NPAS3: variants seen among roughly 807,000 people sequenced by gnomAD.
The protein encoded by NPAS3 is neuronal PAS domain protein 3, also known as neuronal PAS domain-containing protein 3.
A neutral mutation model predicts 73.1 loss-of-function variants in NPAS3; 14 were observed. That is an observed-to-expected ratio of 0.19 (90% CI 0.13 to 0.30). The LOEUF (loss-of-function observed/expected upper bound fraction) is 0.30. NPAS3 is among the 10% of genes least tolerant of loss of function. The pLI is 1.00. For missense variants in NPAS3, 1,096 were observed against 1,250.0 expected, an observed-to-expected ratio of 0.88 and a Z score of 1.86; for synonymous variants, 620 against 541.5, an observed-to-expected ratio of 1.14 and a Z score of -2.01.
chr14:33,391,413 G>A (rs1361584575), intron 4 of NPAS3, among the ~76,000 whole-genome samples: 1 of 151,920 alleles, frequency 6.6e-6, no homozygotes, highest in African/African-American at 2.4e-5. Flanking sequence ...GGCTGGTCTT[G>A]AACTCCCTAC....
chr14:33,060,292 G>T (rs1021694338), intron 2 of NPAS3, among the ~76,000 whole-genome samples: 1 of 152,180 alleles, frequency 6.6e-6, no homozygotes, highest in Non-Finnish European at 1.5e-5. Context: ...TTGAGGAAGA[G>T]TGGGGTGTCT....
intron 3 of NPAS3, among the ~76,000 whole-genome samples, chr14:33,258,580 C>T (rs1368472797): frequency 1.3e-5 from 2 of 152,130 alleles, no homozygotes; most frequent in Non-Finnish European, 2.9e-5. Context: ...TTTAGTGATT[C>T]ATTAGAATTG....
chr14:33,375,349 A>G (rs922016833), intron 4 of NPAS3, among the ~76,000 whole-genome samples: 1 of 152,214 alleles, frequency 6.6e-6, no homozygotes, highest in African/African-American at 2.4e-5. Context: ...CTGGAGTGCT[A>G]CATTGTTCAG....
intron 1 of NPAS3, among the ~76,000 whole-genome samples, chr14:33,049,430 A>G (rs1483391545): frequency 1.3e-5 from 2 of 152,222 alleles, no homozygotes; most frequent in Non-Finnish European, 2.9e-5. Context: ...ACAGTTCCAC[A>G]TGGCTGGGGA....
intron 7 of NPAS3, among the ~76,000 whole-genome samples, chr14:33,754,185 A>G (rs1331803534): frequency 6.6e-6 from 1 of 152,176 alleles, no homozygotes; most frequent in African/African-American, 2.4e-5. Context: ...GTACTTCAGT[A>G]AAGCATTGCT....
chr14:33,195,752 A>G (rs1205719926), intron 2 of NPAS3, among the ~76,000 whole-genome samples: 1 of 152,222 alleles, frequency 6.6e-6, no homozygotes, highest in African/African-American at 2.4e-5. Flanking sequence ...GTTATTAAAC[A>G]GTGATTTTGG....
intron 1 of NPAS3, among the ~76,000 whole-genome samples, chr14:32,999,317 C>T (rs1256207845): frequency 6.6e-6 from 1 of 152,082 alleles, no homozygotes; most frequent in Admixed American, 6.6e-5. Context: ...TGAGACCATC[C>T]TGGCTAACAC....
rs1334335362 is a variant in NPAS3, at chr14:33,716,054, C to T, written c.734-19160C>T. On this transcript the variant is annotated intron_variant, in intron 6 of 11. Coordinates refer to ENST00000356141, the Ensembl canonical transcript of NPAS3. ...ACCCAGTCTTGGGTGTGTCCTTACA[C>T]AGCAGTGTGAGAACAGACTAATACA... is the stretch of plus-strand genomic sequence containing the variant. Among the ~76,000 whole-genome samples, 7 of 152,286 alleles carry T rather than the reference C, an allele frequency of 4.6e-5. No homozygotes were observed. The East Asian group carries it at 1.4e-3, about 29-fold the overall frequency.
chr14:32,982,431 CA>C (rs1223105996), intron 1 of NPAS3, among the ~76,000 whole-genome samples: 1 of 152,022 alleles, frequency 6.6e-6, no homozygotes, highest in Non-Finnish European at 1.5e-5. Context: ...AGTATCTTAC[CA>C]AACACAGTGG....
chr14:32,955,156 T>G lies in NPAS3; in HGVS notation c.50+15790T>G, dbSNP rs530247993. Among the ~76,000 whole-genome samples the G allele has an allele frequency of 3.2e-4, 48 of 152,274 alleles. No homozygotes were observed. The South Asian group carries it at 3.3e-3, about 11-fold the overall frequency. Reference sequence around the variant, plus strand: ...GTCAACTCAGATTCAATTTTAAAATTAAGCATTCACCTGCAATCAATGTCC... The same window carrying G: ...GTCAACTCAGATTCAATTTTAAAATGAAGCATTCACCTGCAATCAATGTCC... On this transcript the variant is annotated intron_variant, in intron 1 of 11. Transcript: ENST00000356141.
chr14:32,982,424 A>G (rs1490462580), intron 1 of NPAS3, among the ~76,000 whole-genome samples: 1 of 152,184 alleles, frequency 6.6e-6, no homozygotes, highest in Non-Finnish European at 1.5e-5. Context: ...TTACAATAGT[A>G]TCTTACCAAA....
At chr14:33,238,617 C>A (rs8004782) in intron 3 of NPAS3, among the ~76,000 whole-genome samples, 3 of 151,870 alleles carry the variant, frequency 2.0e-5, no homozygotes, top group African/African-American at 7.3e-5. Flanking sequence ...ATTAAAATGG[C>A]AAAAGACGAT....
chr14:33,240,774 T>C lies in NPAS3; in HGVS notation c.385+25348T>C, dbSNP rs1461773828. Reference sequence around the variant, plus strand: ...TTAAAATGTAGTTTTTAAGCACCTCTTAGGGACTTAATATTTCTACTCTGT... The same window carrying C: ...TTAAAATGTAGTTTTTAAGCACCTCCTAGGGACTTAATATTTCTACTCTGT... On this transcript the variant is annotated intron_variant, in intron 3 of 11. Transcript: ENST00000356141. 3.3e-5 allele frequency among the ~76,000 whole-genome samples: 5 copies of C among 152,056 alleles called. No individual in the cohort carries two copies. The East Asian group carries it at 7.7e-4, about 24-fold the overall frequency.
At chr14:33,382,743 T>G (rs1037765696) in intron 4 of NPAS3, among the ~76,000 whole-genome samples, 3 of 152,116 alleles carry the variant, frequency 2.0e-5, no homozygotes, top group Admixed American at 6.6e-5. Context: ...GCATTTACAA[T>G]TAAGTAAAAT....
chr14:33,216,727 G>T (rs903083763), intron 3 of NPAS3, among the ~76,000 whole-genome samples: 1 of 152,084 alleles, frequency 6.6e-6, no homozygotes, highest in Non-Finnish European at 1.5e-5. Context: ...TACAAAATAG[G>T]CAGCAGCCAC....
chr14:33,792,883 T>C (rs1036086168), intron 9 of NPAS3, among the ~76,000 whole-genome samples: 5 of 152,212 alleles, frequency 3.3e-5, no homozygotes, highest in Admixed American at 2.6e-4. Flanking sequence ...AGCCAGCCGG[T>C]GAGCTTTCGC....
At chr14:33,762,355 C>T (rs578240029) in intron 7 of NPAS3, among the ~76,000 whole-genome samples, 2 of 151,832 alleles carry the variant, frequency 1.3e-5, no homozygotes, top group East Asian at 3.9e-4. Flanking sequence ...TTATGATGTT[C>T]TTGCCAAGAG....
chr14:33,054,155 CT>C (rs536505911), intron 1 of NPAS3, among the ~76,000 whole-genome samples: 329 of 152,260 alleles, frequency 2.2e-3, no homozygotes, highest in African/African-American at 7.7e-3. Flanking sequence ...ATTATTGAAT[CT>C]TTTAAACCTG....
chr14:33,442,113 C>G (rs2049276970), intron 4 of NPAS3, among the ~76,000 whole-genome samples: 1 of 152,160 alleles, frequency 6.6e-6, no homozygotes, highest in Non-Finnish European at 1.5e-5. Context: ...TACCAATATT[C>G]TTATGTGGTC....
Sources: allele counts gnomAD v4.1 joint callset (sites outside exome capture counted in the v4.1 genomes callset), GRCh38; gene constraint gnomAD v4.1.1; transcripts MANE v1.5; gene names NCBI Gene and HGNC (gene_info 2026-07-23, HGNC 2026-07-21).